SNTB2: variants seen among roughly 807,000 people sequenced by gnomAD.
SNTB2 encodes syntrophin beta 2, also known as beta-2-syntrophin.
SNTB2 carries 34 observed loss-of-function variants against 46.2 expected under a neutral mutation model. That is an observed-to-expected ratio of 0.74 (90% CI 0.56 to 0.98). The LOEUF is 0.98. Among genes scored for constraint, SNTB2 ranks in the 50% least tolerant of loss-of-function variants. SNTB2 has a pLI of 0.00. For missense variants in SNTB2, 603 were observed against 731.4 expected (o/e 0.82, Z 2.02); for synonymous variants, 290 against 312.6 (o/e 0.93, Z 0.76).
chr16:69,286,931 G>A (rs1197556387), intron 5 of SNTB2, among the ~76,000 whole-genome samples: 3 of 152,072 alleles, frequency 2.0e-5, no homozygotes, highest in African/African-American at 7.2e-5. Flanking sequence ...CTAGATACAT[G>A]GACTCTCCAG....
At chr16:69,297,492 C>T (rs888722738) in intron 5 of SNTB2, among the ~76,000 whole-genome samples, 1 of 151,474 alleles carries the variant, frequency 6.6e-6, no homozygotes, top group African/African-American at 2.4e-5. Flanking sequence ...GTGGCACGCT[C>T]CTGTAATCCC....
intron 1 of SNTB2, among the ~76,000 whole-genome samples, chr16:69,232,079 A>G (rs953421386): frequency 2.0e-5 from 3 of 152,314 alleles, no homozygotes; most frequent in Admixed American, 6.5e-5. Flanking sequence ...TAAAAGCATG[A>G]AGGCTAATAC....
intron 3 of SNTB2, among the ~76,000 whole-genome samples, chr16:69,266,663 C>G (rs758967956): frequency 7.9e-5 from 12 of 152,186 alleles, no homozygotes; most frequent in Non-Finnish European, 1.8e-4. Context: ...TGCTTATACT[C>G]TAGCCTTCAA....
intron 1 of SNTB2, among the ~76,000 whole-genome samples, chr16:69,224,304 C>T (rs1423147162): frequency 6.6e-6 from 1 of 150,794 alleles, no homozygotes; most frequent in African/African-American, 2.4e-5. Context: ...CTCTGCCTCC[C>T]AGGTTCAAGC....
At chr16:69,214,059 G>A (rs544668061) in intron 1 of SNTB2, among the ~76,000 whole-genome samples, 10 of 148,578 alleles carry the variant, frequency 6.7e-5, no homozygotes, top group Non-Finnish European at 1.3e-4. Context: ...TCCTGACCTC[G>A]TGATCCACCC....
At chr16:69,292,379 T>TATATATATTATATA (rs1491168503) in intron 5 of SNTB2, among the ~76,000 whole-genome samples, 1 of 30,304 alleles carries the variant, frequency 3.3e-5, no homozygotes, top group Non-Finnish European at 5.3e-5. Flanking sequence ...TATATATATA[T>TATATATATTATATA]TATATATATA....
chr16:69,279,878 T>A (rs1485037854), intron 4 of SNTB2, among the ~76,000 whole-genome samples: 47 of 151,888 alleles, frequency 3.1e-4, no homozygotes, highest in African/African-American at 1.1e-3. Flanking sequence ...AATTTATTTA[T>A]TTATTGATCA....
intron 2 of SNTB2, among the ~76,000 whole-genome samples, chr16:69,251,343 G>A (rs1964723563): frequency 6.6e-6 from 1 of 151,304 alleles, no homozygotes; most frequent in African/African-American, 2.4e-5. Context: ...TATTAATAAA[G>A]TTACTGAATA....
At chr16:69,284,013 G>A (rs1441468108) in intron 4 of SNTB2, 35 bp from the exon 5 acceptor site, 1 of 1,536,270 alleles carries the variant, frequency 6.5e-7, no homozygotes, top group African/African-American at 1.4e-5. Flanking sequence ...TGATAATGTA[G>A]TTACTTTTGA....
intron 1 of SNTB2, among the ~76,000 whole-genome samples, chr16:69,214,143 T>A (rs1193630818): frequency 6.8e-6 from 1 of 147,446 alleles, no homozygotes; most frequent in South Asian, 2.2e-4. Context: ...TTTTTTTTTA[T>A]TTTTTTTGAG....
chr16:69,199,992 G>A (rs1015812069), intron 1 of SNTB2, among the ~76,000 whole-genome samples: 5 of 151,838 alleles, frequency 3.3e-5, no homozygotes, highest in Admixed American at 1.3e-4. Context: ...TCAGCTCACC[G>A]CAACCTCCAT....
chr16:69,188,135 G>A (rs1190431889), intron 1 of SNTB2, among the ~76,000 whole-genome samples: 1 of 150,856 alleles, frequency 6.6e-6, no homozygotes, highest in Non-Finnish European at 1.5e-5. Context: ...GGGCGGGCGG[G>A]TCTATTAAAA....
At chr16:69,268,356 T>A (rs1175336271) in intron 3 of SNTB2, among the ~76,000 whole-genome samples, 5 of 151,778 alleles carry the variant, frequency 3.3e-5, no homozygotes, top group African/African-American at 4.8e-5. Flanking sequence ...CTCAGGTAGT[T>A]GGGAGGCTGA....
chr16:69,284,867 C>T (rs1486293736), intron 5 of SNTB2, among the ~76,000 whole-genome samples: 1 of 151,936 alleles, frequency 6.6e-6, no homozygotes, highest in African/African-American at 2.4e-5. Flanking sequence ...GAGATCATAC[C>T]ACTGCACTCC....
In SNTB2 at chr16:69,236,562, G is replaced by A. The variant is rs565857585; in HGVS notation, c.581-9040G>A. On this transcript the variant is annotated intron_variant, in intron 1 of 6. Coordinates refer to ENST00000336278, the MANE Select transcript of SNTB2 (RefSeq NM_006750.4). ...TTTGGGAAAATGAAAAAGTTCTGGA[G>A]ATGGCTGGTGGTTGTGGTTTCACAA... Among the ~76,000 whole-genome samples, 3 of 152,180 alleles carry A rather than the reference G, an allele frequency of 2.0e-5. No homozygotes were observed. In the South Asian group the frequency reaches 6.2e-4, roughly 32 times the overall value.
intron 1 of SNTB2, among the ~76,000 whole-genome samples, chr16:69,226,396 A>AG (rs1267518633): frequency 1.3e-5 from 2 of 152,080 alleles, no homozygotes; most frequent in African/African-American, 2.4e-5. Context: ...TAAAAAAAAA[A>AG]AAAAAACTTT....
intron 5 of SNTB2, among the ~76,000 whole-genome samples, chr16:69,293,745 A>G (rs762714972): frequency 3.9e-5 from 6 of 152,256 alleles, no homozygotes; most frequent in Non-Finnish European, 7.3e-5. Context: ...CACAAGAGGT[A>G]GAAGTAGTAA....
intron 2 of SNTB2, among the ~76,000 whole-genome samples, chr16:69,257,723 G>A (rs923042787): frequency 3.3e-5 from 5 of 152,144 alleles, no homozygotes; most frequent in African/African-American, 1.2e-4. Context: ...GGGATTACAG[G>A]CGTAAGCCAC....
At chr16:69,255,008 G>A (rs1035894711) in intron 2 of SNTB2, among the ~76,000 whole-genome samples, 2 of 151,860 alleles carry the variant, frequency 1.3e-5, no homozygotes, top group Non-Finnish European at 2.9e-5. Flanking sequence ...CATTCTTCTT[G>A]CATTCAATTA....
Sources: gnomAD v4.1 joint callset for allele counts (sites outside exome capture counted in the v4.1 genomes callset) on GRCh38, gnomAD v4.1.1 for gene constraint, MANE v1.5 for transcripts, NCBI Gene and HGNC (gene_info 2026-07-23, HGNC 2026-07-21) for gene names.